Variants in RBFOX1 observed in about 807,000 individuals in gnomAD.
RBFOX1 encodes the protein RNA binding protein fox-1 homolog 1.
In RBFOX1, 8 loss-of-function variants were observed where a neutral mutation model predicts 57.7. The observed-to-expected ratio is 0.14, with a 90% CI of 0.08 to 0.25. The LOEUF is 0.25. Ranked by LOEUF, RBFOX1 falls within the 10% of genes least tolerant of loss-of-function variation. The pLI is 1.00. For synonymous variants in RBFOX1, 326 were observed against 222.4 expected (o/e 1.47, Z -4.15); for missense variants, 611 against 548.5 (o/e 1.11, Z -1.14).
chr16:7,582,664 G>C (rs933626995), intron 6 of RBFOX1, among the ~76,000 whole-genome samples: 11 of 152,176 alleles, frequency 7.2e-5, no homozygotes, highest in Non-Finnish European at 1.0e-4. Flanking sequence ...AGAAACTACA[G>C]TTTAACTCCA....
intron 10 of RBFOX1, among the ~76,000 whole-genome samples, chr16:7,616,754 A>T (rs2058512111): frequency 6.6e-6 from 1 of 151,208 alleles, no homozygotes; most frequent in African/African-American, 2.4e-5. Flanking sequence ...CTGGTCTTGA[A>T]CTCCTGACCT....
At chr16:7,619,696 A>G (rs1053548411) in intron 10 of RBFOX1, among the ~76,000 whole-genome samples, 2 of 152,252 alleles carry the variant, frequency 1.3e-5, no homozygotes, top group African/African-American at 2.4e-5. Flanking sequence ...AGAAGAGAGT[A>G]TAGAAGGCCT....
At chr16:7,226,939 A>G (rs1054640196) in intron 4 of RBFOX1, among the ~76,000 whole-genome samples, 4 of 152,214 alleles carry the variant, frequency 2.6e-5, no homozygotes, top group African/African-American at 9.7e-5. Context: ...GGATGTATTT[A>G]CAAAATAACA....
At chr16:5,771,839 C>T (rs1171563550) in intron 3 of RBFOX1, among the ~76,000 whole-genome samples, 3 of 152,112 alleles carry the variant, frequency 2.0e-5, no homozygotes, top group Admixed American at 6.5e-5. Flanking sequence ...ATAGTTATTT[C>T]GTGTGATAGT....
intron 4 of RBFOX1, among the ~76,000 whole-genome samples, chr16:7,246,308 C>A (rs1240367718): frequency 1.3e-5 from 2 of 152,186 alleles, no homozygotes; most frequent in Non-Finnish European, 2.9e-5. Flanking sequence ...TCCAGCAGCA[C>A]CCTCCCTGGA....
intron 4 of RBFOX1, among the ~76,000 whole-genome samples, chr16:7,196,096 C>T (rs1392668698): frequency 6.6e-6 from 1 of 151,834 alleles, no homozygotes; most frequent in Middle Eastern, 3.2e-3. Flanking sequence ...TTATTGTTTG[C>T]TCTTTTCTCT....
chr16:6,306,467 G>T (rs2079530509), intron 1 of RBFOX1, among the ~76,000 whole-genome samples: 1 of 152,192 alleles, frequency 6.6e-6, no homozygotes, highest in African/African-American at 2.4e-5. Flanking sequence ...TACGTCAGAG[G>T]CATTTTTATG....
chr16:6,272,650 T>C (rs764726529), intron 1 of RBFOX1, among the ~76,000 whole-genome samples: 14 of 152,182 alleles, frequency 9.2e-5, no homozygotes, highest in Non-Finnish European at 1.9e-4. Context: ...AAATGAAGTA[T>C]AAAGTGGGAG....
intron 2 of RBFOX1, among the ~76,000 whole-genome samples, chr16:6,377,565 T>G (rs2091332592): frequency 6.6e-6 from 1 of 152,088 alleles, no homozygotes; most frequent in Admixed American, 6.5e-5. Flanking sequence ...AAGAACAACA[T>G]GCACTTCAGT....
rs560098981 is a variant in RBFOX1 at position 6,513,752 on chromosome 16, C to A, written c.-63-140851C>A. Among the ~76,000 whole-genome samples, 514 of 150,748 alleles carry A rather than the reference C, an allele frequency of 3.4e-3. 13 individuals are homozygous for A. In the East Asian group the frequency reaches 0.044, roughly 13 times the overall value. ...TTCGTCTCAAAAACAAACAAACAAACAAAAAAAAACAAAGTCTGGAAACCA... is the reference window on the plus strand; with the variant it reads ...TTCGTCTCAAAAACAAACAAACAAAAAAAAAAAAACAAAGTCTGGAAACCA... On this transcript the variant is annotated intron_variant, in intron 2 of 15. Transcript: ENST00000550418.
At chr16:5,651,796 A>G (rs2049249541) in intron 3 of RBFOX1, among the ~76,000 whole-genome samples, 1 of 152,218 alleles carries the variant, frequency 6.6e-6, no homozygotes, top group Non-Finnish European at 1.5e-5. Flanking sequence ...TTGTCCAATC[A>G]TAAGCATCCA....
intron 4 of RBFOX1, among the ~76,000 whole-genome samples, chr16:7,467,553 G>T (rs1276195069): frequency 3.9e-5 from 6 of 152,138 alleles, no homozygotes; most frequent in Non-Finnish European, 7.4e-5. Flanking sequence ...AATAAACGTG[G>T]GTTCAAATCC....
chr16:7,056,264 C>T (rs188208321), intron 4 of RBFOX1, among the ~76,000 whole-genome samples: 3 of 152,178 alleles, frequency 2.0e-5, no homozygotes, highest in Admixed American at 2.0e-4. Flanking sequence ...TTACATCGCT[C>T]GGTTGTTACG....
At position 6,891,825 on chromosome 16, in the gene RBFOX1, G is replaced by A. The variant is rs549900846; in HGVS notation, c.-15-160232G>A. Reference sequence around the variant, plus strand: ...AAAGGTTGAGCCAGCCTAATGTAGGGTTGGCATATGATACCATTATAGCTA... The same window carrying A: ...AAAGGTTGAGCCAGCCTAATGTAGGATTGGCATATGATACCATTATAGCTA... On this transcript the variant is annotated intron_variant, in intron 3 of 15. Transcript: ENST00000550418. 1.1e-4 allele frequency among the ~76,000 whole-genome samples: 16 copies of A among 152,286 alleles called. No individual in the cohort carries two copies. In the South Asian group the frequency reaches 2.9e-3, roughly 28 times the overall value.
intron 3 of RBFOX1, among the ~76,000 whole-genome samples, chr16:6,927,430 A>AG (rs2075798606): frequency 6.6e-6 from 1 of 150,518 alleles, no homozygotes; most frequent in Non-Finnish European, 1.5e-5. Flanking sequence ...AAAAAAAAAA[A>AG]AAAAAAAAAT....
intron 14 of RBFOX1, among the ~76,000 whole-genome samples, chr16:7,688,215 G>T (rs2076488102): frequency 8.4e-6 from 1 of 119,342 alleles, no homozygotes; most frequent in Non-Finnish European, 1.7e-5. Flanking sequence ...TCCTTGGCAG[G>T]TTTAAATGTG....
At chr16:6,871,961 G>GTGTGTT (rs1286128945) in intron 3 of RBFOX1, among the ~76,000 whole-genome samples, 1 of 129,658 alleles carries the variant, frequency 7.7e-6, no homozygotes, top group Admixed American at 8.3e-5. Context: ...GTGTGTGTGT[G>GTGTGTT]TTTCCCTCGG....
At chr16:5,757,284 T>C (rs932068890) in intron 3 of RBFOX1, among the ~76,000 whole-genome samples, 2 of 146,338 alleles carry the variant, frequency 1.4e-5, no homozygotes, top group African/African-American at 5.1e-5. Context: ...CAGGCTGGAG[T>C]GCAGTGGTGC....
At chr16:6,767,942 AATAATAAG>A (rs1267288558) in intron 3 of RBFOX1, among the ~76,000 whole-genome samples, 4 of 85,558 alleles carry the variant, frequency 4.7e-5, no homozygotes, top group Admixed American at 1.2e-4. Context: ...TAATAATAAT[AATAATAAG>A]AAGAAGAAGA....
Sources: allele counts gnomAD v4.1 joint callset (sites outside exome capture counted in the v4.1 genomes callset), GRCh38; gene constraint gnomAD v4.1.1; transcripts MANE v1.5; gene names NCBI Gene and HGNC (gene_info 2026-07-23, HGNC 2026-07-21).